The following PCDHGA2 variants were observed in gnomAD, a reference collection of about 807,000 sequenced individuals.
PCDHGA2 encodes protocadherin gamma subfamily A, 2.
In PCDHGA2, 40 loss-of-function variants were observed where a neutral mutation model predicts 59.2. The ratio of observed to expected loss-of-function variants is 0.68; its 90% CI spans 0.52 to 0.88. The LOEUF (loss-of-function observed/expected upper bound fraction) is 0.88. Ranked by LOEUF, PCDHGA2 falls within the 40% of genes least tolerant of loss-of-function variation. The pLI is 0.00. For synonymous variants in PCDHGA2, 560 were observed against 526.0 expected (o/e 1.06, Z -0.89); for missense variants, 1,226 against 1,204.0 (o/e 1.02, Z -0.27).
At chr5:141,370,380 G>A in intron 1 of PCDHGA2, 5 of 1,532,358 alleles carry the variant, frequency 3.3e-6, no homozygotes, top group Non-Finnish European at 4.4e-6. Flanking sequence ...GAAAGGCAAA[G>A]GCGCAGAGAG....
At position 141,477,263 on chromosome 5, in the gene PCDHGA2, G is replaced by C. The variant is rs543767777; in HGVS notation, c.2425-17544G>C. ...CAGTGTGACTGACCTGGATGCTGGC[G>C]AGAACGGGCTGGTGACCTGCGAAGT... On this transcript the variant is annotated intron_variant, in intron 1 of 3. Coordinates refer to ENST00000394576, the MANE Select transcript of PCDHGA2 (RefSeq NM_018915.4). The surrounding 1 kb of genome is among the most constrained non-coding windows in gnomAD (Gnocchi z 4.9). The C allele has an allele frequency of 6.2e-7, 1 of 1,614,192 alleles. No individual in the cohort carries two copies. The highest frequency in any genetic ancestry group is 1.3e-5 in the African/African-American group (1 of 75,058).
intron 1 of PCDHGA2, chr5:141,365,650 G>A (rs1764040779): frequency 6.2e-7 from 1 of 1,613,296 alleles, no homozygotes; most frequent in South Asian, 1.1e-5. Flanking sequence ...ACATCCCCTT[G>A]AAAGTAGCAG....
intron 1 of PCDHGA2, chr5:141,377,472 TG>T (rs1191503778): frequency 6.6e-6 from 1 of 152,084 alleles, no homozygotes; most frequent in Non-Finnish European, 1.5e-5. Flanking sequence ...GGCGTACACC[TG>T]TAGTCCCAGC....
chr5:141,366,015 T>A, intron 1 of PCDHGA2: 1 of 1,614,144 alleles, frequency 6.2e-7, no homozygotes, highest in Non-Finnish European at 8.5e-7. Flanking sequence ...ACGCCTGAGA[T>A]CCTGTACCCC....
chr5:141,431,114 G>T lies in PCDHGA2; in HGVS notation c.2425-63693G>T. On this transcript the variant is annotated intron_variant, in intron 1 of 3. Coordinates refer to ENST00000394576, the MANE Select transcript of PCDHGA2 (RefSeq NM_018915.4). This position sits in a 1 kb window ranked among gnomAD's most constrained non-coding sequence, Gnocchi z 4.8. The stretch of plus-strand genomic sequence containing the variant: ...GGAGGATAAAGTGAAAATATATGGA[G>T]TAGAAGTAGAAGTAAGGGACATTAA... 6.2e-7 allele frequency: 1 copy of T among 1,614,158 alleles called. No individual in the cohort carries two copies.
At position 141,364,431 on chromosome 5, in the gene PCDHGA2, C is replaced by T; in HGVS notation, c.2424+23036C>T. On this transcript the variant is annotated intron_variant, in intron 1 of 3. Coordinates refer to ENST00000394576, the MANE Select transcript of PCDHGA2 (RefSeq NM_018915.4). ...CCAGGATCCGGGCAGATCCGCTACT[C>T]GATGCCGGAGGAGCTGGACAAAGGC... 2.5e-6 allele frequency: 4 copies of T among 1,613,754 alleles called. No individual in the cohort carries two copies. The South Asian group carries it at 3.3e-5, about 13-fold the overall frequency.
At chr5:141,355,887 C>T (rs759390436) in intron 1 of PCDHGA2, 1 of 1,613,492 alleles carries the variant, frequency 6.2e-7, no homozygotes, top group Non-Finnish European at 8.5e-7. Flanking sequence ...CCAGGATTCT[C>T]ATAATACTTG....
In PCDHGA2 at chr5:141,357,521, G is replaced by A. The variant is rs747583956; in HGVS notation, c.2424+16126G>A. 4.3e-6 allele frequency: 7 copies of A among 1,614,228 alleles called. No homozygotes were observed. Among genetic ancestry groups the A allele is most frequent in the Non-Finnish European group, 5.9e-6 (7 of 1,180,044 alleles). ...AGTCACCTGATCTTCTCCCAACCCA[G>A]CTATGCAGACACGCTCATCAGCCGG... On this transcript the variant is annotated intron_variant, in intron 1 of 3. Transcript: ENST00000394576.
At chr5:141,380,599 A>G (rs1427125974) in intron 1 of PCDHGA2, among the ~76,000 whole-genome samples, 3 of 152,234 alleles carry the variant, frequency 2.0e-5, no homozygotes, top group Non-Finnish European at 2.9e-5. Context: ...GATCTTTAAT[A>G]TTTAATTTTA....
chr5:141,351,589 C>T (rs1366069442), intron 1 of PCDHGA2: 2 of 1,614,082 alleles, frequency 1.2e-6, no homozygotes, highest in Admixed American at 1.7e-5. Flanking sequence ...ACATCAACGA[C>T]AATGCACCTG....
chr5:141,427,955 G>A (rs749241312), intron 1 of PCDHGA2: 1 of 1,587,202 alleles, frequency 6.3e-7, no homozygotes, highest in Non-Finnish European at 8.6e-7. Context: ...ATGACAATGT[G>A]CCGCGGGTGC....
At chr5:141,359,599 A>G (rs1034333334) in intron 1 of PCDHGA2, among the ~76,000 whole-genome samples, 1 of 152,038 alleles carries the variant, frequency 6.6e-6, no homozygotes, top group East Asian at 1.9e-4. Context: ...TAAAAAAGCA[A>G]TGTGCAGAAT....
Position 141,409,903 on chromosome 5 carries a change from G to C in PCDHGA2, c.2424+68508G>C, listed in dbSNP as rs570063514. 6.2e-6 allele frequency: 10 copies of C among 1,613,268 alleles called. No individual in the cohort carries two copies. The South Asian group carries it at 9.9e-5, about 16-fold the overall frequency. ...CACCGCGGGTGCTGTACCCAGCTCTGGGTCCTGACGGCTCCGCGTTCTTCG... is the reference window on the plus strand; with the variant it reads ...CACCGCGGGTGCTGTACCCAGCTCTCGGTCCTGACGGCTCCGCGTTCTTCG... On this transcript the variant is annotated intron_variant, in intron 1 of 3. Coordinates refer to ENST00000394576, the MANE Select transcript of PCDHGA2 (RefSeq NM_018915.4).
intron 3 of PCDHGA2, 46 bp downstream of exon 3, chr5:141,505,527 T>C: frequency 6.2e-7 from 1 of 1,612,388 alleles, no homozygotes; most frequent in Non-Finnish European, 8.5e-7. Context: ...GACCTGGGGT[T>C]CTGGGGTGCA....
intron 1 of PCDHGA2, chr5:141,344,482 C>G: frequency 1.2e-6 from 2 of 1,613,902 alleles, no homozygotes; most frequent in Non-Finnish European, 1.7e-6. Context: ...GTTCCTGGAA[C>G]CCGATTTCCA....
chr5:141,418,389 A>G (rs768078575), intron 1 of PCDHGA2: 1 of 1,613,996 alleles, frequency 6.2e-7, no homozygotes, highest in South Asian at 1.1e-5. Context: ...CCTAACGAGT[A>G]TTTCTCATTG....
chr5:141,494,643 AG>A, intron 1 of PCDHGA2, 163 bp from the exon 2 acceptor site: 1 of 928,048 alleles, frequency 1.1e-6, no homozygotes, highest in Non-Finnish European at 1.3e-6. Flanking sequence ...CTGAGACCTG[AG>A]GTGTATTTTG....
At chr5:141,426,539 T>C in intron 1 of PCDHGA2, 2 of 347,388 alleles carry the variant, frequency 5.8e-6, no homozygotes, top group South Asian at 4.4e-5. Flanking sequence ...GGGAACATAC[T>C]TGTGAGTGAC....
intron 1 of PCDHGA2, chr5:141,414,054 G>T: frequency 6.2e-7 from 1 of 1,610,250 alleles, no homozygotes; most frequent in South Asian, 1.1e-5. Context: ...ACACGCAATT[G>T]TTGAAGTTCC....
Sources: gnomAD v4.1 joint callset for allele counts (sites outside exome capture counted in the v4.1 genomes callset) on GRCh38, gnomAD v4.1.1 for gene constraint, Gnocchi (gnomAD v3.1) non-coding constraint, MANE v1.5 for transcripts, NCBI Gene and HGNC (gene_info 2026-07-23, HGNC 2026-07-21) for gene names.